The following MSN variants were observed in gnomAD, a reference collection of about 807,000 sequenced individuals.
MSN encodes the protein moesin, also known as epididymis luminal protein 70.
Under a neutral mutation model 48.0 loss-of-function variants are expected in MSN, and 2 were observed. The ratio of observed to expected loss-of-function variants is 0.04; its 90% CI spans 0.02 to 0.13. The LOEUF (loss-of-function observed/expected upper bound fraction) is 0.13. Ranked by LOEUF, MSN falls within the 10% of genes least tolerant of loss-of-function variation. The probability of loss-of-function intolerance (pLI) is 1.00; values close to 1 mark genes in which losing one functional copy is unlikely to be tolerated. For synonymous variants in MSN, 146 were observed against 166.9 expected, an observed-to-expected ratio of 0.87 and a Z score of 0.97; for missense variants, 267 against 470.1, an observed-to-expected ratio of 0.57 and a Z score of 3.99.
At chrX:65,662,478 A>G (rs1602762850) in intron 1 of MSN, among the ~76,000 whole-genome samples, 1 of 112,079 alleles carries the variant, frequency 8.9e-6, no homozygotes, top group East Asian at 2.8e-4. Flanking sequence ...CTCAGAAATC[A>G]GGCCTCATAC....
At chrX:65,733,750 A>G (rs1022099883) in intron 7 of MSN, among the ~76,000 whole-genome samples, 1 of 110,088 alleles carries the variant, frequency 9.1e-6, no homozygotes, top group Non-Finnish European at 1.9e-5. Context: ...CAGTGGTGCA[A>G]TCTTGGCTCA....
intron 1 of MSN, among the ~76,000 whole-genome samples, chrX:65,706,075 A>G (rs1372432375): frequency 2.7e-5 from 3 of 111,732 alleles, no homozygotes; most frequent in African/African-American, 9.8e-5. Flanking sequence ...GAAGTGAGTT[A>G]GTCAGTGAAG....
intron 1 of MSN, among the ~76,000 whole-genome samples, chrX:65,671,829 G>T (rs914914004): frequency 3.0e-4 from 34 of 112,199 alleles, no homozygotes; most frequent in African/African-American, 1.0e-3. Context: ...CTTGGAGAGG[G>T]AAAGGTTGCT....
intron 1 of MSN, among the ~76,000 whole-genome samples, chrX:65,708,980 G>T (rs1363412542): frequency 8.9e-6 from 1 of 112,212 alleles, no homozygotes; most frequent in Non-Finnish European, 1.9e-5. Context: ...ACTGTGCCTG[G>T]CCAGGATTTC....
chrX:65,685,494 G>A (rs958146392), intron 1 of MSN, among the ~76,000 whole-genome samples: 1 of 112,296 alleles, frequency 8.9e-6, no homozygotes, highest in Non-Finnish European at 1.9e-5. Context: ...CTTTTCCAAT[G>A]TTCTCCACAG....
intron 1 of MSN, among the ~76,000 whole-genome samples, chrX:65,693,228 G>A (rs2071193784): frequency 9.0e-6 from 1 of 111,627 alleles, no homozygotes; most frequent in African/African-American, 3.3e-5. Context: ...GTCACCTAGG[G>A]TTAGAATTAA....
chrX:65,636,817 C>T (rs2070605743), intron 1 of MSN, among the ~76,000 whole-genome samples: 3 of 101,613 alleles, frequency 3.0e-5, no homozygotes, highest in South Asian at 4.6e-4. Flanking sequence ...CGCGGTGGCT[C>T]ACGCCTGTAA....
At chrX:65,713,847 G>A (rs2071436649) in intron 1 of MSN, among the ~76,000 whole-genome samples, 1 of 111,798 alleles carries the variant, frequency 8.9e-6, no homozygotes, top group Non-Finnish European at 1.9e-5. Flanking sequence ...GTGAGAACAT[G>A]TGGTATTCTA....
chrX:65,740,070 C>T lies in MSN; in HGVS notation c.*177C>T, dbSNP rs1318967022. On this transcript the variant is annotated 3_prime_UTR_variant, in exon 13 of 13. Coordinates refer to ENST00000360270, the MANE Select transcript of MSN (RefSeq NM_002444.3). ...AGCCCCTTAGCCCCCACCCACTTCCCTGGGCAAATGAATGGCTCACTATGG... is the reference window on the plus strand; with the variant it reads ...AGCCCCTTAGCCCCCACCCACTTCCTTGGGCAAATGAATGGCTCACTATGG... 2 of 414,593 alleles carry T rather than the reference C, an allele frequency of 4.8e-6. No individual in the cohort carries two copies. Among genetic ancestry groups the T allele is most frequent in the African/African-American group, 2.5e-5 (1 of 40,314 alleles). 34.2% of individuals were successfully genotyped at this position (414,593 alleles called of 1,213,427 possible).
At chrX:65,695,472 C>T (rs1364782577) in intron 1 of MSN, among the ~76,000 whole-genome samples, 1 of 92,089 alleles carries the variant, frequency 1.1e-5, no homozygotes, top group African/African-American at 4.3e-5. Context: ...CGTGCCATTG[C>T]ACTCCAGGCT....
chrX:65,679,517 A>T (rs1175794195), intron 1 of MSN, among the ~76,000 whole-genome samples: 1 of 111,920 alleles, frequency 8.9e-6, no homozygotes, highest in Non-Finnish European at 1.9e-5. Context: ...TGGGCTTTCA[A>T]CTGATCCTGT....
In MSN at chrX:65,594,513, C is replaced by T. The variant is rs772421780; in HGVS notation, c.-22+5901C>T. Among the ~76,000 whole-genome samples the T allele has an allele frequency of 3.1e-4, 34 of 111,023 alleles. No individual in the cohort carries two copies. The South Asian group carries it at 0.013, about 42-fold the overall frequency. On this transcript the variant is annotated intron_variant, in intron 1 of 3. Coordinates refer to the MSN transcript ENST00000609672. ...GCTTGGATATTAGGGTTGAAAGGAC[C>T]TTTGGGAATTGGTGGCCCCTACTTG...
intron 1 of MSN, among the ~76,000 whole-genome samples, chrX:65,601,783 A>G (rs1426773005): frequency 8.9e-6 from 1 of 112,616 alleles, no homozygotes; most frequent in Non-Finnish European, 1.9e-5. Flanking sequence ...TGGCTCTCAG[A>G]GCTCAGGCAG....
chrX:65,713,163 C>G (rs2071430668), intron 1 of MSN, among the ~76,000 whole-genome samples: 1 of 111,766 alleles, frequency 8.9e-6, no homozygotes, highest in Admixed American at 9.5e-5. Flanking sequence ...AGGACTAAAT[C>G]TCTAATTATG....
chrX:65,699,477 C>G (rs1041893285), intron 1 of MSN, among the ~76,000 whole-genome samples: 1 of 111,930 alleles, frequency 8.9e-6, no homozygotes, highest in Non-Finnish European at 1.9e-5. Flanking sequence ...AAGCCAGGAG[C>G]GGTGGCTCAC....
chrX:65,675,839 T>C (rs766533643), intron 1 of MSN, among the ~76,000 whole-genome samples: 3 of 111,509 alleles, frequency 2.7e-5, no homozygotes, highest in East Asian at 2.8e-4. Context: ...GGTTTCACCA[T>C]GTTGGCCAGG....
chrX:65,619,088 G>T, intron 1 of MSN, among the ~76,000 whole-genome samples: 1 of 100,272 alleles, frequency 1.0e-5, no homozygotes, highest in Non-Finnish European at 2.0e-5. Flanking sequence ...CTGTTAGTCT[G>T]ATGGGCTTCC....
At chrX:65,592,140 G>T (rs1203273352) in intron 1 of MSN, among the ~76,000 whole-genome samples, 2 of 106,722 alleles carry the variant, frequency 1.9e-5, no homozygotes, top group Non-Finnish European at 3.9e-5. Context: ...GCAGATGCGG[G>T]TCAGTCAGGT....
intron 1 of MSN, among the ~76,000 whole-genome samples, chrX:65,644,613 G>T (rs1332499081): frequency 3.6e-5 from 4 of 112,177 alleles, no homozygotes; most frequent in Non-Finnish European, 7.5e-5. Flanking sequence ...TCAGGGCAGG[G>T]GGAATCAAAT....
Sources: allele counts gnomAD v4.1 joint callset (sites outside exome capture counted in the v4.1 genomes callset), GRCh38; gene constraint gnomAD v4.1.1; transcripts MANE v1.5; gene names NCBI Gene and HGNC (gene_info 2026-07-23, HGNC 2026-07-21).